ZNF737: variants seen among roughly 807,000 people sequenced by gnomAD.
ZNF737 encodes zinc finger protein 737.
Under a neutral mutation model 11.7 loss-of-function variants are expected in ZNF737, and 13 were observed. That is an observed-to-expected ratio of 1.11 (90% CI 0.73 to 1.77). The LOEUF is 1.77. Among genes scored for constraint, ZNF737 ranks in the 40% most tolerant of loss-of-function variants. The probability of loss-of-function intolerance (pLI) is 0.00; values close to 1 mark genes in which losing one functional copy is unlikely to be tolerated. For synonymous variants in ZNF737, 217 were observed against 216.2 expected (o/e 1.00, Z -0.03); for missense variants, 636 against 638.0 (o/e 1.00, Z 0.03).
At chr19:20,553,400 AGGCATGTGCCAC>A in intron 2 of ZNF737, among the ~76,000 whole-genome samples, 1 of 152,164 alleles carries the variant, frequency 6.6e-6, no homozygotes, top group Non-Finnish European at 1.5e-5. Flanking sequence ...CTGGGATTAC[AGGCATGTGCCAC>A]CATGCCCGGC....
Position 20,541,726 on chromosome 19 carries a change from G to A in ZNF737, c.*2866C>T, listed in dbSNP as rs1294675232. Among the ~76,000 whole-genome samples the A allele has an allele frequency of 6.6e-6, 1 of 152,064 alleles. No homozygotes were observed. The highest frequency in any genetic ancestry group is 1.5e-5 in the Non-Finnish European group (1 of 68,002). ...CAGATGTGAGCCACTGTGCCTGGCCGTATTTTATTTACATTTTTGTATAAT... is the reference window on the plus strand; with the variant it reads ...CAGATGTGAGCCACTGTGCCTGGCCATATTTTATTTACATTTTTGTATAAT... On this transcript the variant is annotated 3_prime_UTR_variant, in exon 4 of 4. Transcript: ENST00000427401.
At position 20,543,690 on chromosome 19, in the gene ZNF737, A is replaced by AC. The variant is rs1397610565; in HGVS notation, c.*901dup. 19 of 985,462 alleles carry AC rather than the reference A, an allele frequency of 1.9e-5. No homozygotes were observed. The African/African-American group carries it at 3.1e-4, about 16-fold the overall frequency. The allele number at this position is 985,462 out of a possible 1,614,324, so 61.0% of individuals were successfully genotyped here. On this transcript the variant is annotated 3_prime_UTR_variant, in exon 4 of 4. Transcript: ENST00000427401. ...GTGGCAACCATATAAAGGCTTTGTC[A>AC]CATTTTATATATTTCTAGGGTTTCA... is the stretch of plus-strand genomic sequence containing the variant.
intron 3 of ZNF737, among the ~76,000 whole-genome samples, chr19:20,548,761 A>T (rs1555757578): frequency 7.2e-6 from 1 of 138,080 alleles, no homozygotes; most frequent in Non-Finnish European, 1.6e-5. Context: ...ATTATTTTTT[A>T]TAGAGAGGTG....
chr19:20,548,043 G>A (rs1167149799), intron 3 of ZNF737, among the ~76,000 whole-genome samples: 1 of 152,080 alleles, frequency 6.6e-6, no homozygotes, highest in African/African-American at 2.4e-5. Context: ...TTGGGAGGCT[G>A]AGACAGGAGA....
chr19:20,550,039 T>A (rs1968609594), intron 3 of ZNF737, among the ~76,000 whole-genome samples: 1 of 152,084 alleles, frequency 6.6e-6, no homozygotes, highest in African/African-American at 2.4e-5. Context: ...GCAGTAAAAT[T>A]TCAGAGATTA....
At chr19:20,537,157 C>G (rs953037785), downstream of ZNF737, among the ~76,000 whole-genome samples, 1 of 151,668 alleles carries the variant, frequency 6.6e-6, no homozygotes, top group Non-Finnish European at 1.5e-5. Flanking sequence ...TTGCTACACA[C>G]GTGTCAAACA....
chr19:20,555,955 C>T (rs1968873815), intron 1 of ZNF737, among the ~76,000 whole-genome samples: 1 of 152,126 alleles, frequency 6.6e-6, no homozygotes, highest in African/African-American at 2.4e-5. Flanking sequence ...TACCTGCTAG[C>T]ATGACATCAA....
In ZNF737 at chr19:20,540,362, AT is replaced by A. The variant is rs1172532946; in HGVS notation, c.*4229del. ...AAGTGATTTCCCACCACAGTCACAC[AT>A]TTTTTTTACACTCAAGAGGAAAGTA... On this transcript the variant is annotated 3_prime_UTR_variant, in exon 4 of 4. Coordinates refer to ENST00000427401, the MANE Select transcript of ZNF737 (RefSeq NM_001159293.2). Among the ~76,000 whole-genome samples the A allele has an allele frequency of 1.3e-4, 19 of 151,910 alleles. No individual in the cohort carries two copies. Among genetic ancestry groups the A allele is most frequent in the Non-Finnish European group, 2.6e-4 (18 of 67,976 alleles).
At chr19:20,551,429 C>CAAAAAAA (rs59406979) in intron 3 of ZNF737, among the ~76,000 whole-genome samples, 2 of 102,348 alleles carry the variant, frequency 2.0e-5, no homozygotes, top group Non-Finnish European at 3.8e-5. Flanking sequence ...AACCCCATCT[C>CAAAAAAA]AAAAAAAAAA....
At position 20,552,493 on chromosome 19, in the gene ZNF737, T is replaced by A. The variant is rs782196268; in HGVS notation, c.208A>T (p.Met70Leu). ...KKPLTMKKHE[M>L]VANPSVTCSH... is the part of the protein sequence containing the mutation. ...CACCTACCTGAGGGGTTGGCTACCA[T>A]CTCATGTTTCTTCATGGTCAAAGGT... Residue 70 changes from methionine (M) to leucine (L), a missense_variant, in exon 3 of 4, where the codon ATG becomes TTG. Coordinates refer to ENST00000427401, the MANE Select transcript of ZNF737 (RefSeq NM_001159293.2). The A allele has an allele frequency of 1.3e-6, 2 of 1,593,996 alleles. No homozygotes were observed. The highest frequency in any genetic ancestry group is 1.7e-6 in the Non-Finnish European group (2 of 1,173,062).
chr19:20,534,611 T>A (rs1967913644), downstream of ZNF737, among the ~76,000 whole-genome samples: 1 of 150,266 alleles, frequency 6.7e-6, no homozygotes, highest in African/African-American at 2.5e-5. Context: ...TTGTAAATAA[T>A]GTTGTCAGTT....
chr19:20,541,433 A>AT lies in ZNF737; in HGVS notation c.*3158_*3159insA, dbSNP rs1968202377. The AT allele has an allele frequency of 1.0e-6, 1 of 973,260 alleles. No individual in the cohort carries two copies. The highest frequency in any genetic ancestry group is 1.1e-4 in the East Asian group (1 of 8,758). The allele number at this position is 973,260 out of a possible 1,614,324, so 60.3% of individuals were successfully genotyped here. The stretch of plus-strand genomic sequence containing the variant: ...TATTTATAATTTTTCAGGACTCAGA[A>AT]ATGTATGGATTTTATTTTTATTTTA... On this transcript the variant is annotated 3_prime_UTR_variant, in exon 4 of 4. Coordinates refer to ENST00000427401, the MANE Select transcript of ZNF737 (RefSeq NM_001159293.2).
chr19:20,545,142 G>T lies in ZNF737; in HGVS notation c.1061C>A (p.Ser354Ter), dbSNP rs782392892. 3 of 1,611,348 alleles carry T rather than the reference G, an allele frequency of 1.9e-6. No individual in the cohort carries two copies. Among genetic ancestry groups the T allele is most frequent in the Admixed American group, 1.7e-5 (1 of 59,868 alleles). Residue 354 changes from serine to a stop codon, truncating the protein, a stop_gained, in exon 4 of 4, where the codon TCA becomes TAA. Transcript: ENST00000427401. LOFTEE classifies it low-confidence loss of function (END_TRUNC). ...AATTATCTTGTGTGTAGTAAGGGAT[G>T]AGAAGTACTTAAAGGCTCTGCCACA... The part of the protein sequence containing the change: ...EECGRAFKYF[S>*]SLTTHKIIHS...
intron 3 of ZNF737, among the ~76,000 whole-genome samples, chr19:20,549,802 C>T (rs990887421): frequency 3.3e-5 from 5 of 151,552 alleles, no homozygotes; most frequent in African/African-American, 9.7e-5. Context: ...CGGTGACACA[C>T]GCCTGTAATC....
At chr19:20,546,125 T>G in intron 3 of ZNF737, 149 bp from the exon 4 acceptor site, 1 of 1,148,812 alleles carries the variant, frequency 8.7e-7, no homozygotes, top group Non-Finnish European at 1.2e-6. Context: ...GATACATAAA[T>G]GTAACAAAAG....
chr19:20,556,358 T>C (rs765526947), intron 1 of ZNF737, among the ~76,000 whole-genome samples: 62 of 152,046 alleles, frequency 4.1e-4, no homozygotes, highest in Non-Finnish European at 5.4e-4. Context: ...TTTCTGCAAA[T>C]TGGCCATGTG....
chr19:20,545,762 A>T lies in ZNF737; in HGVS notation c.441T>A (p.Cys147Ter). 1 of 1,613,270 alleles carries T rather than the reference A, an allele frequency of 6.2e-7. No homozygotes were observed. The highest frequency in any genetic ancestry group is 8.5e-7 in the Non-Finnish European group (1 of 1,179,732). The change falls in exon 4 of 4, where the codon TGT (cysteine) becomes TGA (stop). Residue 147 changes from cysteine (C) to a stop codon, truncating the protein, a stop_gained. Transcript: ENST00000427401. LOFTEE classifies it low-confidence loss of function (END_TRUNC). Reference sequence around the variant, plus strand: ...TATGAATGACTTTCACATATTTATCACACTGAAATATTTTGCTTTGAGTAG... The same window carrying T: ...TATGAATGACTTTCACATATTTATCTCACTGAAATATTTTGCTTTGAGTAG... ...LTTTQSKIFQCDKYVKVIHKF... is the reference protein window; with the variant it reads ...LTTTQSKIFQ
Position 20,553,840 on chromosome 19 carries a change from AAC to A in ZNF737, c.4-7_4-6del, listed in dbSNP as rs1555759625. On this transcript the variant is annotated splice_polypyrimidine_tract_variant and splice_region_variant and intron_variant, in intron 1 of 3. Transcript: ENST00000427401. The stretch of plus-strand genomic sequence containing the variant: ...GTCTCTAAATTGCAATGGCCCCTGA[AAC>A]ACACACACAACATACGTTTTTACCA... 6.2e-7 allele frequency: 1 copy of A among 1,610,642 alleles called. No homozygotes were observed.
chr19:20,545,520 C>G lies in ZNF737; in HGVS notation c.683G>C (p.Arg228Pro), dbSNP rs782690741. Residue 228 changes from arginine (R) to proline (P), a missense_variant, in exon 4 of 4, where the codon CGG (arginine) becomes CCG (proline). By Grantham distance (103) the Arg-to-Pro change is moderately radical. Coordinates refer to ENST00000427401, the MANE Select transcript of ZNF737 (RefSeq NM_001159293.2). ...THKRIHTGEK[R>P]YKCEDCGKAF... ...TTTGCCACAGTCTTCACATTTGTACCGTTTCTCTCCAGTATGAATTCTCTT... is the reference window on the plus strand; with the variant it reads ...TTTGCCACAGTCTTCACATTTGTACGGTTTCTCTCCAGTATGAATTCTCTT... The G allele has an allele frequency of 1.1e-5, 18 of 1,609,706 alleles. No homozygotes were observed. The highest frequency in any genetic ancestry group is 2.2e-5 in the East Asian group (1 of 44,522).
Sources: allele counts gnomAD v4.1 joint callset (sites outside exome capture counted in the v4.1 genomes callset), GRCh38; gene constraint gnomAD v4.1.1; transcripts MANE v1.5; gene names NCBI Gene and HGNC (gene_info 2026-07-23, HGNC 2026-07-21).